ALG9: variants seen among roughly 807,000 people sequenced by gnomAD.
The protein encoded by ALG9 is ALG9 alpha-1,2-mannosyltransferase.
Under a neutral mutation model 81.8 loss-of-function variants are expected in ALG9, and 55 were observed. The ratio of observed to expected loss-of-function variants is 0.67; its 90% CI spans 0.54 to 0.84. The LOEUF is 0.84. Ranked by LOEUF, ALG9 falls within the 40% of genes least tolerant of loss-of-function variation. The pLI is 0.00. For synonymous variants in ALG9, 278 were observed against 274.3 expected (o/e 1.01, Z -0.13); for missense variants, 629 against 745.0 (o/e 0.84, Z 1.81).
At chr11:111,797,040 A>G (rs2136277578) in intron 14 of ALG9, among the ~76,000 whole-genome samples, 1 of 152,308 alleles carries the variant, frequency 6.6e-6, no homozygotes, top group South Asian at 2.1e-4. Context: ...GTAAGAAATC[A>G]CCTTTAAAAA....
At chr11:111,780,382 GT>G (rs1222140226), downstream of ALG9, among the ~76,000 whole-genome samples, 312 of 140,618 alleles carry the variant, frequency 2.2e-3, no homozygotes, top group African/African-American at 6.5e-3. Context: ...ATAATTTGCC[GT>G]TTTTTTTTTT....
intron 14 of ALG9, among the ~76,000 whole-genome samples, chr11:111,806,889 G>T (rs1555085748): frequency 6.6e-6 from 1 of 152,076 alleles, no homozygotes; most frequent in Non-Finnish European, 1.5e-5. Context: ...TCCCATCTCA[G>T]TTAATAGCAA....
chr11:111,865,327 A>C, intron 3 of ALG9, 76 bp from the exon 4 acceptor site: 309 of 1,083,602 alleles, frequency 2.9e-4, no homozygotes, highest in Non-Finnish European at 3.8e-4. Context: ...AACCACTCTC[A>C]TTTATTGTCA....
At chr11:111,834,488 G>A (rs1309991249) in intron 13 of ALG9, among the ~76,000 whole-genome samples, 5 of 152,184 alleles carry the variant, frequency 3.3e-5, no homozygotes, top group African/African-American at 9.7e-5. Flanking sequence ...TTGCTACAGA[G>A]AGATATAATA....
intron 13 of ALG9, among the ~76,000 whole-genome samples, chr11:111,811,456 T>C (rs1950695962): frequency 6.6e-6 from 1 of 151,124 alleles, no homozygotes; most frequent in South Asian, 2.1e-4. Context: ...GGCAGGAGAA[T>C]TGTTTGAACC....
rs782443620 is a variant in ALG9, at chr11:111,871,439, G to A, written c.44C>T (p.Ala15Val). 2.6e-6 allele frequency: 4 copies of A among 1,536,540 alleles called. No homozygotes were observed. Among genetic ancestry groups the A allele is most frequent in the Middle Eastern group, 1.7e-4 (1 of 5,912 alleles). The change falls in exon 1 of 15, where the codon GCC (alanine) becomes GTC (valine). Residue 15 changes from alanine to valine, a missense_variant. Around this residue, in one of 3 missense-constraint regions of ALG9, gnomAD observed 344 missense variants for 390.5 expected, o/e 0.88. Transcript: ENST00000616540. ...AGCCGGGGCCGTATCCCCACTGCTG[G>A]CCCCGCTGCCCTTCAGGCGCTGCCG... ...GARQRLKGSG[A>V]SSGDTAPAAD...
intron 9 of ALG9, among the ~76,000 whole-genome samples, chr11:111,842,329 T>C (rs2136909131): frequency 6.6e-6 from 1 of 152,304 alleles, no homozygotes; most frequent in South Asian, 2.1e-4. Flanking sequence ...TGAAATGTCC[T>C]CCATAAAATA....
intron 13 of ALG9, among the ~76,000 whole-genome samples, chr11:111,833,699 C>G (rs1438156617): frequency 6.6e-6 from 1 of 152,184 alleles, no homozygotes; most frequent in African/African-American, 2.4e-5. Flanking sequence ...AAGGGCTGGA[C>G]ACAGCTGCTA....
chr11:111,810,432 C>A (rs1048816881), intron 13 of ALG9, among the ~76,000 whole-genome samples: 7 of 152,066 alleles, frequency 4.6e-5, no homozygotes, highest in South Asian at 4.1e-4. Flanking sequence ...ATTGTAGATG[C>A]TCAAAGGAAA....
intron 13 of ALG9, among the ~76,000 whole-genome samples, chr11:111,812,213 A>C (rs112833261): frequency 3.3e-5 from 5 of 152,318 alleles, no homozygotes; most frequent in African/African-American, 1.2e-4. Context: ...GAAACTCAAC[A>C]AGCGGATTCT....
intron 1 of ALG9, 177 bp downstream of exon 1, chr11:111,871,175 A>C: frequency 7.7e-7 from 1 of 1,295,694 alleles, no homozygotes; most frequent in Non-Finnish European, 9.7e-7. Flanking sequence ...AGGTGGGCGA[A>C]GACTGAATGC....
intron 13 of ALG9, among the ~76,000 whole-genome samples, chr11:111,825,178 C>T (rs1335539869): frequency 6.6e-6 from 1 of 152,154 alleles, no homozygotes. Context: ...CTACTATTAA[C>T]AAGGTTTGGG....
chr11:111,848,405 T>C (rs34695265), intron 8 of ALG9, among the ~76,000 whole-genome samples: 41,662 of 151,718 alleles, frequency 0.27, 5,945 homozygotes, highest in Admixed American at 0.35. Flanking sequence ...CGTGACCAGC[T>C]TGACCAACAT....
chr11:111,832,183 C>G (rs900428073), intron 13 of ALG9, among the ~76,000 whole-genome samples: 6 of 152,248 alleles, frequency 3.9e-5, no homozygotes, highest in African/African-American at 1.4e-4. Context: ...AACTTCAAGT[C>G]TTCTGCAAAG....
chr11:111,844,995 A>T (rs1268832518), intron 8 of ALG9, among the ~76,000 whole-genome samples: 2 of 152,238 alleles, frequency 1.3e-5, no homozygotes, highest in Non-Finnish European at 2.9e-5. Flanking sequence ...TCTAGCCCAA[A>T]TTGCTATGCC....
At chr11:111,789,987 A>AG (rs1361006343) in intron 14 of ALG9, among the ~76,000 whole-genome samples, 5 of 152,072 alleles carry the variant, frequency 3.3e-5, no homozygotes, top group Non-Finnish European at 7.4e-5. Flanking sequence ...GGAAAAAAAA[A>AG]TTTCCTGATC....
Position 111,836,541 on chromosome 11 carries a change from T to C in ALG9, c.1473-247A>G, listed in dbSNP as rs139745447. 8.0e-5 allele frequency: 36 copies of C among 448,424 alleles called. 1 individual carries two copies. Among genetic ancestry groups the C allele is most frequent in the African/African-American group, 7.2e-4 (36 of 50,156 alleles). The allele number at this position is 448,424 out of a possible 1,614,324, so 27.8% of individuals were successfully genotyped here. A position where few individuals can be genotyped will look rare whatever the true frequency, so the allele number is the denominator to read the frequency against. On this transcript the variant is annotated intron_variant, in intron 12 of 14. Coordinates refer to ENST00000616540, the MANE Select transcript of ALG9 (RefSeq NM_024740.2). ...GTTAGCAGTGAAATTCACAACCAAA[T>C]GGTCATATCATCAAAAAACCAGAGA...
At chr11:111,840,053 T>C (rs1373109511) in intron 10 of ALG9, among the ~76,000 whole-genome samples, 6 of 152,210 alleles carry the variant, frequency 3.9e-5, no homozygotes, top group Non-Finnish European at 5.9e-5. Flanking sequence ...AACCACTGAA[T>C]CATACCCTTT....
chr11:111,800,037 T>C (rs1948871052), intron 14 of ALG9, among the ~76,000 whole-genome samples: 1 of 152,230 alleles, frequency 6.6e-6, no homozygotes, highest in African/African-American at 2.4e-5. Flanking sequence ...AGGTCCCTCC[T>C]TTCTTTAAAG....
Sources: allele counts gnomAD v4.1 joint callset (sites outside exome capture counted in the v4.1 genomes callset), GRCh38; gene constraint gnomAD v4.1.1; regional missense constraint gnomAD v4.1.1; transcripts MANE v1.5; gene names NCBI Gene and HGNC (gene_info 2026-07-23, HGNC 2026-07-21).